The following NSUN6 variants were observed in gnomAD, a reference collection of about 807,000 sequenced individuals.
NSUN6 encodes tRNA (cytosine(72)-C(5))-methyltransferase NSUN6.
NSUN6 carries 64 observed loss-of-function variants against 58.0 expected under a neutral mutation model. The observed-to-expected ratio is 1.10, with a 90% confidence interval of 0.90 to 1.36. NSUN6 has a LOEUF of 1.36. NSUN6 is among the 40% of genes most tolerant of loss of function. NSUN6 has a pLI of 0.00. For missense variants in NSUN6, 701 were observed against 550.1 expected (o/e 1.27, Z -2.74); for synonymous variants, 231 against 193.9 (o/e 1.19, Z -1.59).
chr10:18,570,439 T>C (rs1564736918), intron 8 of NSUN6, among the ~76,000 whole-genome samples: 2 of 149,146 alleles, frequency 1.3e-5, no homozygotes, highest in Admixed American at 6.9e-5. Context: ...CTCCATTCCA[T>C]TCCATTCTCC....
At position 18,616,187 on chromosome 10, in the gene NSUN6, G is replaced by A; in HGVS notation, c.418C>T (p.Gln140Ter). 1 of 1,500,622 alleles carries A rather than the reference G, an allele frequency of 6.7e-7. No homozygotes were observed. The highest frequency in any genetic ancestry group is 9.3e-7 in the Non-Finnish European group (1 of 1,077,402). The allele number at this position is 1,500,622 out of a possible 1,614,324, so 93.0% of individuals were successfully genotyped here. The change falls in exon 4 of 11, where the codon CAA (glutamine) becomes TAA (stop). Residue 140 changes from glutamine to a stop codon, truncating the protein, a stop_gained. Coordinates refer to ENST00000377304, the MANE Select transcript of NSUN6 (RefSeq NM_182543.5). LOFTEE classifies it high-confidence loss of function. ...CAAATCTAAACATTATACTTACATT[G>A]TGATGCTGACACAATTCCTGGGGCA... ...VYAPGIVSAS[Q>*]FMKAGDVISV...
In NSUN6 at chr10:18,643,124, T is replaced by C. The variant is rs140421123; in HGVS notation, c.232-569A>G. ...AGCCACTGCATGCATCTCTTTCCAATTCCATGGTCACACATGTAGCTACCA... is the reference window on the plus strand; with the variant it reads ...AGCCACTGCATGCATCTCTTTCCAACTCCATGGTCACACATGTAGCTACCA... On this transcript the variant is annotated intron_variant, in intron 2 of 10. Transcript: ENST00000377304. 1.2e-3 allele frequency among the ~76,000 whole-genome samples: 179 copies of C among 151,966 alleles called. 1 individual carries two copies. The highest frequency in any genetic ancestry group is 2.0e-3 in the Non-Finnish European group (137 of 67,986).
At chr10:18,635,092 G>A (rs929381881) in intron 3 of NSUN6, among the ~76,000 whole-genome samples, 4 of 152,166 alleles carry the variant, frequency 2.6e-5, no homozygotes, top group Admixed American at 6.5e-5. Context: ...TATGTGCTAC[G>A]CAGAGGGTGC....
intron 3 of NSUN6, among the ~76,000 whole-genome samples, chr10:18,638,784 G>T (rs950152580): frequency 6.6e-6 from 1 of 152,012 alleles, no homozygotes; most frequent in African/African-American, 2.4e-5. Context: ...CACACTTAGG[G>T]AAAGGGCAGG....
chr10:18,614,479 T>C lies in NSUN6; in HGVS notation c.556A>G (p.Ser186Gly), dbSNP rs1382572087. 6.4e-7 allele frequency: 1 copy of C among 1,551,166 alleles called. No homozygotes were observed. Among genetic ancestry groups the C allele is most frequent in the East Asian group, 2.4e-5 (1 of 40,958 alleles). ...ACATACTTCAGTTCAGGTAATCCAC[T>C]GAAGATTTCTTTGCGGCTTAGTTCA... ...ISELSRKEIF[S>G]GLPELKGMGI... is the part of the protein sequence containing the mutation. Residue 186 changes from serine (S) to glycine (G), a missense_variant, in exon 5 of 11, where the codon AGT (serine) becomes GGT (glycine). Physicochemically the swap from Ser to Gly is moderately conservative, Grantham distance 56. Coordinates refer to ENST00000377304, the MANE Select transcript of NSUN6 (RefSeq NM_182543.5).
chr10:18,627,713 A>T (rs1384004129), intron 3 of NSUN6, among the ~76,000 whole-genome samples: 1 of 152,244 alleles, frequency 6.6e-6, no homozygotes, highest in Non-Finnish European at 1.5e-5. Context: ...TTGGCTTAAA[A>T]ACCGGAGCAC....
chr10:18,659,305 C>G (rs2059813499), upstream of NSUN6: 1 of 304,954 alleles, frequency 3.3e-6, no homozygotes, highest in Admixed American at 5.1e-5. Context: ...ACGCGCCTAG[C>G]TTCCGGCGAT....
rs766850046 is a variant in NSUN6, at chr10:18,548,143, G to C, written c.1166C>G (p.Thr389Arg). The change falls in exon 10 of 11, where the codon ACA becomes AGA. Residue 389 changes from threonine (T) to arginine (R), a missense_variant. Thr to Arg is a moderately conservative substitution (Grantham distance 71). Coordinates refer to ENST00000377304, the MANE Select transcript of NSUN6 (RefSeq NM_182543.5). Reference protein sequence around the residue: ...ENEEQVAWALTKFPCLQLQPQ... With the variant: ...ENEEQVAWALRKFPCLQLQPQ... The stretch of plus-strand genomic sequence containing the variant: ...CTGAAGCTGAAGGCAAGGAAATTTT[G>C]TCAGGGCCCAGGCAACCTGTTCTTC... 1 of 1,613,810 alleles carries C rather than the reference G, an allele frequency of 6.2e-7. No individual in the cohort carries two copies. Among genetic ancestry groups the C allele is most frequent in the South Asian group, 1.1e-5 (1 of 91,048 alleles).
rs562025449 is a variant in NSUN6, at chr10:18,561,837, G to A, written c.923-9866C>T. ...TGGTGAATAGAATGGAATGGAGAAT[G>A]TAATAGAATGAAACGTAATGCAGGC... On this transcript the variant is annotated intron_variant, in intron 8 of 10. Coordinates refer to ENST00000377304, the MANE Select transcript of NSUN6 (RefSeq NM_182543.5). Among the ~76,000 whole-genome samples the A allele has an allele frequency of 5.2e-4, 78 of 150,550 alleles. 2 individuals carry two copies. The highest frequency in any genetic ancestry group is 1.8e-3 in the African/African-American group (75 of 40,802).
intron 3 of NSUN6, among the ~76,000 whole-genome samples, chr10:18,625,494 C>A (rs1376893830): frequency 1.3e-5 from 2 of 151,940 alleles, no homozygotes; most frequent in Admixed American, 6.6e-5. Context: ...TGGTGGATCA[C>A]CCGATTCAAG....
chr10:18,619,863 C>G (rs1422116046), intron 3 of NSUN6, among the ~76,000 whole-genome samples: 1 of 152,088 alleles, frequency 6.6e-6, no homozygotes, highest in Non-Finnish European at 1.5e-5. Context: ...ATATAAGAAA[C>G]TACACATACA....
chr10:18,609,132 G>T (rs2058141265), intron 6 of NSUN6, among the ~76,000 whole-genome samples: 1 of 152,028 alleles, frequency 6.6e-6, no homozygotes, highest in South Asian at 2.1e-4. Flanking sequence ...CACAAAGTGA[G>T]ACCCCATCTC....
intron 8 of NSUN6, among the ~76,000 whole-genome samples, chr10:18,582,990 G>A (rs185658715): frequency 2.7e-4 from 41 of 152,250 alleles, no homozygotes; most frequent in Admixed American, 2.3e-3. Flanking sequence ...TATAACCCCT[G>A]TGACCTGCAC....
chr10:18,585,798 C>T lies in NSUN6; in HGVS notation c.922+151G>A, dbSNP rs201673504. ...TGCTATGAGAGTAAATTTCAAATTA[C>T]CACAAGGATAAGTACAGTGATGGAT... On this transcript the variant is annotated intron_variant, in intron 8 of 10. Transcript: ENST00000377304. 4.3e-4 allele frequency: 110 copies of T among 257,720 alleles called. No homozygotes were observed. In the African/African-American group the frequency reaches 5.6e-3, roughly 13 times the overall value. The allele number at this position is 257,720 out of a possible 1,614,324, so 16.0% of individuals were successfully genotyped here. A position where few individuals can be genotyped will look rare whatever the true frequency, so the allele number is the denominator to read the frequency against.
intron 9 of NSUN6, among the ~76,000 whole-genome samples, chr10:18,550,137 C>G (rs534921004): frequency 6.6e-6 from 1 of 152,350 alleles, no homozygotes; most frequent in South Asian, 2.1e-4. Context: ...GATCATTCAT[C>G]TACTCCTAGT....
upstream of NSUN6, chr10:18,655,242 G>T (rs750143292): frequency 4.5e-6 from 3 of 671,100 alleles, no homozygotes; most frequent in Non-Finnish European, 5.5e-6. Flanking sequence ...CTGAAGTTTA[G>T]CAGGGTTCCT....
Position 18,617,690 on chromosome 10 carries a change from C to G in NSUN6, c.312-1397G>C, listed in dbSNP as rs546760594. ...TCTGCCCAGATAACCAAACTAGATG[C>G]CTCAGTGTTACGGTCTGGATGTGTC... On this transcript the variant is annotated intron_variant, in intron 3 of 10. Coordinates refer to ENST00000377304, the MANE Select transcript of NSUN6 (RefSeq NM_182543.5). Among the ~76,000 whole-genome samples the G allele has an allele frequency of 8.7e-4, 132 of 152,214 alleles. 1 individual carries two copies. The highest frequency in any genetic ancestry group is 2.8e-4 in the Non-Finnish European group (19 of 68,016).
At chr10:18,622,527 AACATGGTGAAAC>A (rs1473460148) in intron 3 of NSUN6, among the ~76,000 whole-genome samples, 2 of 152,226 alleles carry the variant, frequency 1.3e-5, no homozygotes, top group African/African-American at 4.8e-5. Flanking sequence ...CAGCCTGGCC[AACATGGTGAAAC>A]CCTGTCTCTA....
At chr10:18,647,712 C>T (rs940424410) in intron 2 of NSUN6, among the ~76,000 whole-genome samples, 17 of 146,002 alleles carry the variant, frequency 1.2e-4, no homozygotes, top group Admixed American at 5.5e-4. Context: ...AAACATAAGG[C>T]GCTCAACACC....
Sources: allele counts gnomAD v4.1 joint callset (sites outside exome capture counted in the v4.1 genomes callset), GRCh38; gene constraint gnomAD v4.1.1; transcripts MANE v1.5; gene names NCBI Gene and HGNC (gene_info 2026-07-23, HGNC 2026-07-21).